Variants in STAG1 observed in about 807,000 individuals in gnomAD.
The protein encoded by STAG1 is STAG1 cohesin complex component.
A neutral mutation model predicts 170.9 loss-of-function variants in STAG1; 26 were observed. That is an observed-to-expected ratio of 0.15 (90% CI 0.11 to 0.21). The LOEUF (loss-of-function observed/expected upper bound fraction) is 0.21. Among genes scored for constraint, STAG1 ranks in the 10% least tolerant of loss-of-function variants. STAG1 has a pLI of 1.00. For missense variants in STAG1, 964 were observed against 1,509.5 expected (o/e 0.64, Z 5.99); for synonymous variants, 514 against 497.7 (o/e 1.03, Z -0.44).
At chr3:136,580,000 A>T (rs1314698290) in intron 4 of STAG1, among the ~76,000 whole-genome samples, 1 of 99,286 alleles carries the variant, frequency 1.0e-5, no homozygotes, top group East Asian at 2.5e-4. Context: ...ACGGAGTCTC[A>T]CTCTGTCGCC....
intron 23 of STAG1, among the ~76,000 whole-genome samples, chr3:136,372,649 T>C (rs917243621): frequency 3.3e-5 from 5 of 152,006 alleles, no homozygotes; most frequent in African/African-American, 1.2e-4. Context: ...CTGGATTACG[T>C]TTATTGATTT....
intron 1 of STAG1, among the ~76,000 whole-genome samples, chr3:136,645,376 A>C (rs371554535): frequency 6.6e-6 from 1 of 152,160 alleles, no homozygotes; most frequent in Admixed American, 6.5e-5. Context: ...TCCTTCCTCC[A>C]TGCTCTATTC....
intron 5 of STAG1, among the ~76,000 whole-genome samples, chr3:136,543,630 C>T (rs986331020): frequency 1.9e-4 from 29 of 152,042 alleles, no homozygotes; most frequent in Admixed American, 2.6e-4. Context: ...CATCAGTTAC[C>T]GGATATGGGA....
intron 7 of STAG1, among the ~76,000 whole-genome samples, chr3:136,514,438 A>G (rs1050554865): frequency 6.6e-6 from 1 of 152,236 alleles, no homozygotes; most frequent in Non-Finnish European, 1.5e-5. Flanking sequence ...ATGTAGAGAC[A>G]TAGGAATGCT....
At chr3:136,451,690 G>A (rs914367658) in intron 14 of STAG1, among the ~76,000 whole-genome samples, 1 of 151,998 alleles carries the variant, frequency 6.6e-6, no homozygotes, top group Non-Finnish European at 1.5e-5. Context: ...TTGAATCTGG[G>A]AGGCAGAGGC....
chr3:136,461,194 G>C (rs545358004), intron 13 of STAG1, among the ~76,000 whole-genome samples: 1 of 152,170 alleles, frequency 6.6e-6, no homozygotes, highest in Non-Finnish European at 1.5e-5. Flanking sequence ...AAATAATAAA[G>C]TCCACATATG....
intron 6 of STAG1, among the ~76,000 whole-genome samples, chr3:136,541,540 A>ACACACACACACACACTCACACACT: frequency 9.8e-6 from 1 of 101,848 alleles, no homozygotes; most frequent in Non-Finnish European, 2.1e-5. Flanking sequence ...CTTAACATTC[A>ACACACACACACACACTCACACACT]CACACACACA....
Position 136,697,958 on chromosome 3 carries a change from T to G in STAG1, c.-84+54237A>C, listed in dbSNP as rs551501953. 2.0e-5 allele frequency among the ~76,000 whole-genome samples: 3 copies of G among 152,254 alleles called. No homozygotes were observed. In the East Asian group the frequency reaches 5.8e-4, roughly 29 times the overall value. ...AGAAGTCAGATGTCCACAGCCATAT[T>G]TTACTGTTTTCTTATGAAATACACA... On this transcript the variant is annotated intron_variant, in intron 1 of 33. Transcript: ENST00000383202.
At chr3:136,372,748 T>C (rs138431876) in intron 23 of STAG1, among the ~76,000 whole-genome samples, 2,552 of 152,270 alleles carry the variant, frequency 0.017, 38 homozygotes, top group Non-Finnish European at 0.027. Context: ...GATTCAGTTT[T>C]CCAGTATTTT....
Position 136,744,594 on chromosome 3 carries a change from C to G in STAG1, c.-84+7601G>C, listed in dbSNP as rs535637705. On this transcript the variant is annotated intron_variant, in intron 1 of 33. Coordinates refer to ENST00000383202, the MANE Select transcript of STAG1 (RefSeq NM_005862.3). ...GCTCTACTTTGCACTTTCCTTTTTA[C>G]CAATGAGATTACAATTCAATGCTTT... is the stretch of plus-strand genomic sequence containing the variant. Among the ~76,000 whole-genome samples, 8 of 152,060 alleles carry G rather than the reference C, an allele frequency of 5.3e-5. No homozygotes were observed. The South Asian group carries it at 1.7e-3, about 32-fold the overall frequency.
intron 5 of STAG1, among the ~76,000 whole-genome samples, chr3:136,548,119 GTTT>G (rs112244750): frequency 7.0e-6 from 1 of 142,382 alleles, no homozygotes. Flanking sequence ...GTTTTGTTTT[GTTT>G]TTTTTTTTTG....
intron 4 of STAG1, among the ~76,000 whole-genome samples, chr3:136,595,277 T>C (rs13071220): frequency 0.18 from 27,413 of 152,052 alleles, 2,945 homozygotes; most frequent in Non-Finnish European, 0.24. Context: ...CATCCTCCAA[T>C]ACCTATATTC....
At chr3:136,418,042 G>T in intron 20 of STAG1, 70 bp from the exon 21 acceptor site, 1 of 1,153,984 alleles carries the variant, frequency 8.7e-7, no homozygotes, top group Non-Finnish European at 1.3e-6. Flanking sequence ...CTCAGTTCAG[G>T]TGAGTGGAAG....
chr3:136,354,346 GCAGTGGCACGATATT>G, intron 28 of STAG1, among the ~76,000 whole-genome samples: 1 of 152,314 alleles, frequency 6.6e-6, no homozygotes, highest in East Asian at 1.9e-4. Flanking sequence ...AGGGTGGAGT[GCAGTGGCACGATATT>G]GGCTTACTGC....
intron 1 of STAG1, among the ~76,000 whole-genome samples, chr3:136,749,171 T>C (rs1255205386): frequency 3.3e-5 from 5 of 152,164 alleles, no homozygotes; most frequent in African/African-American, 4.8e-5. Context: ...TGTTTGCATA[T>C]GTAATTAAGG....
chr3:136,520,580 A>C (rs1387288893), intron 7 of STAG1, among the ~76,000 whole-genome samples: 2 of 152,150 alleles, frequency 1.3e-5, no homozygotes, highest in Non-Finnish European at 2.9e-5. Flanking sequence ...TTACCTCGTT[A>C]CTGAAAACCA....
chr3:136,514,137 A>G (rs1323132616), intron 7 of STAG1, among the ~76,000 whole-genome samples: 4 of 152,198 alleles, frequency 2.6e-5, no homozygotes, highest in African/African-American at 9.6e-5. Context: ...TACACTGAAA[A>G]TATTCTAGTG....
At chr3:136,485,843 T>C (rs1204961639) in intron 9 of STAG1, among the ~76,000 whole-genome samples, 6 of 152,244 alleles carry the variant, frequency 3.9e-5, no homozygotes, top group Admixed American at 1.3e-4. Flanking sequence ...TATAAAGCTC[T>C]GATGTTTTAA....
chr3:136,563,743 G>T (rs13067764), intron 5 of STAG1, among the ~76,000 whole-genome samples: 1 of 151,798 alleles, frequency 6.6e-6, no homozygotes, highest in Non-Finnish European at 1.5e-5. Flanking sequence ...GAGAAAGGCC[G>T]GGCACGGTGG....
Sources: gnomAD v4.1 joint callset for allele counts (sites outside exome capture counted in the v4.1 genomes callset) on GRCh38, gnomAD v4.1.1 for gene constraint, MANE v1.5 for transcripts, NCBI Gene and HGNC (gene_info 2026-07-23, HGNC 2026-07-21) for gene names.